Variants in RPS6KA3 observed in about 807,000 individuals in gnomAD.
RPS6KA3 encodes ribosomal protein S6 kinase alpha-3.
A neutral mutation model predicts 67.2 loss-of-function variants in RPS6KA3; 4 were observed. The ratio of observed to expected loss-of-function variants is 0.06; its 90% CI spans 0.03 to 0.14. RPS6KA3 has a LOEUF of 0.14. RPS6KA3 is among the 10% of genes least tolerant of loss of function. The pLI is 1.00. For missense variants in RPS6KA3, 204 were observed against 559.0 expected (o/e 0.36, Z 6.40); for synonymous variants, 182 against 183.7 (o/e 0.99, Z 0.07).
At chrX:20,214,244 A>G (rs957172067) in intron 2 of RPS6KA3, among the ~76,000 whole-genome samples, 4 of 111,869 alleles carry the variant, frequency 3.6e-5, no homozygotes, top group African/African-American at 1.3e-4. Flanking sequence ...ATAGGTCTTC[A>G]GTGATTTTCT....
chrX:20,232,525 T>C (rs1206341326), intron 2 of RPS6KA3, among the ~76,000 whole-genome samples: 1 of 111,193 alleles, frequency 9.0e-6, no homozygotes, highest in African/African-American at 3.3e-5. Context: ...TGAGCCGAGG[T>C]AGTGCCACTG....
intron 4 of RPS6KA3, among the ~76,000 whole-genome samples, chrX:20,200,029 C>G (rs920935092): frequency 1.8e-5 from 2 of 111,776 alleles, no homozygotes; most frequent in African/African-American, 6.5e-5. Context: ...AAGATGAGTT[C>G]CATCAAAACT....
intron 10 of RPS6KA3, among the ~76,000 whole-genome samples, 187 bp downstream of exon 10, chrX:20,186,109 G>A (rs184708621): frequency 9.0e-6 from 1 of 110,567 alleles, no homozygotes; most frequent in Non-Finnish European, 1.9e-5. Flanking sequence ...GCCCGGCTAA[G>A]TTTTGTATTT....
intron 4 of RPS6KA3, among the ~76,000 whole-genome samples, chrX:20,199,146 A>G (rs1413954481): frequency 1.8e-5 from 2 of 112,157 alleles, no homozygotes; most frequent in Non-Finnish European, 3.8e-5. Flanking sequence ...CTGGGATTAC[A>G]GGCGTGAGCC....
rs769785894 is a variant in RPS6KA3 at position 20,245,054 on chromosome X, C to CT, written c.70-10241dup. On this transcript the variant is annotated intron_variant, in intron 1 of 21. Coordinates refer to ENST00000379565, the MANE Select transcript of RPS6KA3 (RefSeq NM_004586.3). ...AACTGGTGTATCCTTGGAAAAGTTG[C>CT]TTTTTTCTGGTATTTATCTGTAATC... Among the ~76,000 whole-genome samples the CT allele has an allele frequency of 8.0e-5, 9 of 111,825 alleles. No individual in the cohort carries two copies. The East Asian group carries it at 2.2e-3, about 28-fold the overall frequency.
chrX:20,242,854 G>A (rs2069586782), intron 1 of RPS6KA3, among the ~76,000 whole-genome samples: 1 of 111,019 alleles, frequency 9.0e-6, no homozygotes, highest in South Asian at 3.7e-4. Context: ...AAACAGAAAT[G>A]GAACAAGATT....
At chrX:20,187,787 A>G in intron 9 of RPS6KA3, 41 bp downstream of exon 9, 5 of 1,031,021 alleles carry the variant, frequency 4.8e-6, no homozygotes, top group Non-Finnish European at 6.8e-6. Context: ...CTCACTTAAC[A>G]ATCTCCTTCC....
intron 1 of RPS6KA3, among the ~76,000 whole-genome samples, chrX:20,239,518 C>T (rs986414203): frequency 1.8e-5 from 2 of 111,572 alleles, no homozygotes; most frequent in African/African-American, 6.5e-5. Context: ...TCTCATCCCA[C>T]CATAATGCCT....
At chrX:20,178,197 A>G (rs1164314334) in intron 10 of RPS6KA3, among the ~76,000 whole-genome samples, 1 of 111,608 alleles carries the variant, frequency 9.0e-6, no homozygotes, top group Non-Finnish European at 1.9e-5. Flanking sequence ...ATGCAGAAGA[A>G]CATATGCAAA....
intron 2 of RPS6KA3, among the ~76,000 whole-genome samples, chrX:20,223,860 G>C: frequency 8.9e-6 from 1 of 111,790 alleles, no homozygotes; most frequent in East Asian, 2.8e-4. Context: ...GTTTTCCCTT[G>C]TTTTCTAATT....
chrX:20,166,713 C>CTTTTT (rs774405280), intron 17 of RPS6KA3, among the ~76,000 whole-genome samples: 42 of 81,379 alleles, frequency 5.2e-4, no homozygotes, highest in African/African-American at 8.4e-4. Context: ...GACTTCCCTT[C>CTTTTT]TTTTTTTTTT....
At chrX:20,242,891 C>T (rs771085553) in intron 1 of RPS6KA3, among the ~76,000 whole-genome samples, 1 of 110,812 alleles carries the variant, frequency 9.0e-6, no homozygotes, top group Non-Finnish European at 1.9e-5. Context: ...ATCCTTGAGG[C>T]TGGGTTATGG....
At chrX:20,198,367 CTCTT>C (rs2068330222) in intron 4 of RPS6KA3, among the ~76,000 whole-genome samples, 1 of 111,835 alleles carries the variant, frequency 8.9e-6, no homozygotes, top group African/African-American at 3.3e-5. Context: ...TAGCACCCGA[CTCTT>C]AAAGAAAAGA....
intron 2 of RPS6KA3, among the ~76,000 whole-genome samples, chrX:20,220,165 A>G (rs2068953132): frequency 9.0e-6 from 1 of 111,050 alleles, no homozygotes; most frequent in African/African-American, 3.3e-5. Context: ...TCAAATTTTT[A>G]TGAAAATGTT....
At position 20,175,200 on chromosome X, in the gene RPS6KA3, T is replaced by C. The variant is rs763203916; in HGVS notation, c.1191A>G (p.Gln397=). The change falls in exon 14 of 22, where the codon CAA becomes CAG. Residue 397 remains glutamine (Q), a synonymous_variant. Coordinates refer to ENST00000379565, the MANE Select transcript of RPS6KA3 (RefSeq NM_004586.3). ...FVAITSDDES[Q]AMQTVGVHSI... ...AATGTACACCAACTGTCTGCATAGC[T>C]TGGCTTTCATCATCTGAGGTAATAG... The C allele has an allele frequency of 5.0e-6, 6 of 1,207,374 alleles. No homozygotes were observed. The highest frequency in any genetic ancestry group is 6.7e-6 in the Non-Finnish European group (6 of 891,233).
At chrX:20,242,681 T>C (rs2147019382) in intron 1 of RPS6KA3, among the ~76,000 whole-genome samples, 1 of 112,526 alleles carries the variant, frequency 8.9e-6, no homozygotes, top group Admixed American at 9.4e-5. Flanking sequence ...TTAAAGTGTT[T>C]AATTATACAA....
chrX:20,187,207 G>A (rs765233065), intron 9 of RPS6KA3, among the ~76,000 whole-genome samples: 8 of 109,688 alleles, frequency 7.3e-5, no homozygotes, highest in East Asian at 5.8e-4. Flanking sequence ...GTGAGCCACC[G>A]CGCCCGGCAG....
intron 1 of RPS6KA3, among the ~76,000 whole-genome samples, chrX:20,237,500 C>A (rs913693195): frequency 9.0e-6 from 1 of 111,657 alleles, no homozygotes; most frequent in Non-Finnish European, 1.9e-5. Context: ...ACTTGGAATT[C>A]GCAGACCAAG....
chrX:20,186,417 G>A, intron 9 of RPS6KA3, 51 bp from the exon 10 acceptor site: 2 of 712,231 alleles, frequency 2.8e-6, no homozygotes, highest in African/African-American at 2.2e-5. Flanking sequence ...TATAAAATCT[G>A]AAGGCCAGAA....
Sources: gnomAD v4.1 joint callset for allele counts (sites outside exome capture counted in the v4.1 genomes callset) on GRCh38, gnomAD v4.1.1 for gene constraint, MANE v1.5 for transcripts, NCBI Gene and HGNC (gene_info 2026-07-23, HGNC 2026-07-21) for gene names.